PRPF31: variants seen among roughly 807,000 people sequenced by gnomAD.
PRPF31 encodes U4/U6 small nuclear ribonucleoprotein Prp31.
In PRPF31, 12 loss-of-function variants were observed where a neutral mutation model predicts 60.4. The observed-to-expected ratio is 0.20, with a 90% CI of 0.13 to 0.32. The LOEUF (loss-of-function observed/expected upper bound fraction) is 0.32. PRPF31 is among the 10% of genes least tolerant of loss of function. The pLI, the probability that PRPF31 is intolerant of heterozygous loss-of-function variation, is 1.00. For missense variants in PRPF31, 431 were observed against 687.1 expected (o/e 0.63, Z 4.17); for synonymous variants, 287 against 287.9 (o/e 1.00, Z 0.03).
chr19:54,115,824 CG>C (rs2073615867), intron 1 of PRPF31, 27 bp downstream of exon 1: 1 of 213,192 alleles, frequency 4.7e-6, no homozygotes, highest in East Asian at 7.3e-5. Flanking sequence ...CCACGGGGAG[CG>C]GGAGGCTGGG....
intron 9 of PRPF31, among the ~76,000 whole-genome samples, 193 bp from the exon 10 acceptor site, chr19:54,127,880 C>T (rs1458689122): frequency 6.6e-6 from 1 of 152,234 alleles, no homozygotes; most frequent in Non-Finnish European, 1.5e-5. Context: ...AAGAGACAGT[C>T]AACAGGTGAA....
At chr19:54,122,206 G>A in intron 4 of PRPF31, 1 of 623,972 alleles carries the variant, frequency 1.6e-6, no homozygotes, top group African/African-American at 1.8e-5. Flanking sequence ...CTGCCTCACG[G>A]TGCGAGGTGA....
chr19:54,116,297 C>A (rs943557719), intron 1 of PRPF31, among the ~76,000 whole-genome samples: 6 of 151,992 alleles, frequency 3.9e-5, no homozygotes, highest in African/African-American at 1.4e-4. Flanking sequence ...CTCCGCCTCC[C>A]GGATTCAAGC....
At chr19:54,128,521 T>G (rs2146447334) in intron 11 of PRPF31, 144 bp downstream of exon 11, 2 of 876,130 alleles carry the variant, frequency 2.3e-6, no homozygotes, top group African/African-American at 1.8e-5. Context: ...CCGGCCTCTA[T>G]TCTCGTTTCC....
intron 8 of PRPF31, 103 bp from the exon 9 acceptor site, chr19:54,126,425 A>G: frequency 9.0e-7 from 1 of 1,106,496 alleles, no homozygotes; most frequent in Non-Finnish European, 1.3e-6. Flanking sequence ...GCCCCCTTCC[A>G]GGACCCCAGG....
At chr19:54,118,547 TCTGA>T in intron 2 of PRPF31, 22 bp from the exon 3 acceptor site, 1 of 1,614,036 alleles carries the variant, frequency 6.2e-7, no homozygotes, top group South Asian at 1.1e-5. Context: ...AGTGCTGGAT[TCTGA>T]CTGTCTTCTC....
At chr19:54,127,567 T>C (rs1176315496) in intron 9 of PRPF31, among the ~76,000 whole-genome samples, 1 of 152,146 alleles carries the variant, frequency 6.6e-6, no homozygotes, top group Non-Finnish European at 1.5e-5. Context: ...TGTGTGTTGG[T>C]GGGGGCGTAA....
intron 3 of PRPF31, among the ~76,000 whole-genome samples, chr19:54,121,449 A>G (rs1236358916): frequency 6.6e-6 from 1 of 152,104 alleles, no homozygotes; most frequent in African/African-American, 2.4e-5. Flanking sequence ...TGAGTCAGCA[A>G]ACAGGAACGG....
At chr19:54,126,090 C>A (rs1157337425) in intron 8 of PRPF31, among the ~76,000 whole-genome samples, 1 of 152,228 alleles carries the variant, frequency 6.6e-6, no homozygotes, top group African/African-American at 2.4e-5. Context: ...GGCTCCATCA[C>A]CTGCTGGCTG....
At chr19:54,127,374 C>T (rs2073946132) in intron 9 of PRPF31, among the ~76,000 whole-genome samples, 1 of 152,184 alleles carries the variant, frequency 6.6e-6, no homozygotes, top group Admixed American at 6.5e-5. Context: ...CTTCTGTCTT[C>T]ATATCTCCGC....
At position 54,131,602 on chromosome 19, in the gene PRPF31, AC is replaced by A. The variant is rs1473501285; in HGVS notation, c.*172del. On this transcript the variant is annotated 3_prime_UTR_variant, in exon 14 of 14. Coordinates refer to ENST00000321030, the MANE Select transcript of PRPF31 (RefSeq NM_015629.4). ...AGAGTCCGGCCTGGCCTCCCCCAGG[AC>A]CGAGATCACCGCCCAGTATGGGCTA... 1 of 937,748 alleles carries A rather than the reference AC, an allele frequency of 1.1e-6. No homozygotes were observed. The highest frequency in any genetic ancestry group is 1.6e-5 in the African/African-American group (1 of 61,106). 58.1% of individuals were successfully genotyped at this position (937,748 alleles called of 1,614,324 possible).
At chr19:54,117,946 G>A (rs2073690616) in intron 1 of PRPF31, among the ~76,000 whole-genome samples, 1 of 152,100 alleles carries the variant, frequency 6.6e-6, no homozygotes, top group East Asian at 1.9e-4. Flanking sequence ...GGAAAGGAGG[G>A]AAACAAAGAA....
At position 54,124,561 on chromosome 19, in the gene PRPF31, G is replaced by T; in HGVS notation, c.760G>T (p.Ala254Ser). The T allele has an allele frequency of 6.2e-7, 1 of 1,612,830 alleles. No homozygotes were observed. The highest frequency in any genetic ancestry group is 8.5e-7 in the Non-Finnish European group (1 of 1,179,806). Residue 254 changes from alanine to serine, a missense_variant, in exon 8 of 14, where the codon GCC becomes TCC. This residue lies in a region of PRPF31 where 314 missense variants were observed against 475.3 expected (regional missense o/e 0.66). Transcript: ENST00000321030. ...MPACNIMLLG[A>S]QRKTLSGFSS... Reference sequence around the variant, plus strand: ...CGCCTGCAACATCATGCTGCTCGGGGCCCAGCGCAAGACGCTGTCGGGCTT... The same window carrying T: ...CGCCTGCAACATCATGCTGCTCGGGTCCCAGCGCAAGACGCTGTCGGGCTT...
In PRPF31 at chr19:54,123,396, A is replaced by G. The variant is rs181008133; in HGVS notation, c.421-58A>G. The G allele has an allele frequency of 3.1e-6, 4 of 1,289,526 alleles. No individual in the cohort carries two copies. In the East Asian group the frequency reaches 9.2e-5, roughly 30 times the overall value. 79.9% of individuals were successfully genotyped at this position (1,289,526 alleles called of 1,614,324 possible). On this transcript the variant is annotated intron_variant, in intron 5 of 13. Coordinates refer to ENST00000321030, the MANE Select transcript of PRPF31 (RefSeq NM_015629.4). ...GACCTGAGGAGGTGCTGAGCAAGAG[A>G]GGTTCTCGAGCCTTCCTGAGTTCCC...
chr19:54,123,890 C>G lies in PRPF31; in HGVS notation c.669C>G (p.Ile223Met), dbSNP rs767602745. 6.2e-7 allele frequency: 1 copy of G among 1,613,972 alleles called. No individual in the cohort carries two copies. The highest frequency in any genetic ancestry group is 1.3e-5 in the African/African-American group (1 of 75,052). The change falls in exon 7 of 14, where the codon ATC (isoleucine) becomes ATG (methionine). Residue 223 changes from isoleucine (I) to methionine (M), a missense_variant. Ile to Met is a conservative substitution (Grantham distance 10). Coordinates refer to ENST00000321030, the MANE Select transcript of PRPF31 (RefSeq NM_015629.4). ...TCGCACCCAACCTGTCCATCATTATCGGGGCATCCACGGCCGCCAAGATCA... is the reference window on the plus strand; with the variant it reads ...TCGCACCCAACCTGTCCATCATTATGGGGGCATCCACGGCCGCCAAGATCA... ...SFIAPNLSII[I>M]GASTAAKIMG...
chr19:54,127,573 C>T (rs1027449987), intron 9 of PRPF31, among the ~76,000 whole-genome samples: 1 of 152,144 alleles, frequency 6.6e-6, no homozygotes, highest in Non-Finnish European at 1.5e-5. Flanking sequence ...TTGGTGGGGG[C>T]GTAATTTGCC....
chr19:54,128,510 C>CCG (rs1555794375), intron 11 of PRPF31, 133 bp downstream of exon 11: 32 of 938,620 alleles, frequency 3.4e-5, no homozygotes, highest in Non-Finnish European at 4.4e-5. Flanking sequence ...CCTCCCCCCC[C>CCG]CCGGCCTCTA....
At chr19:54,125,055 A>G in intron 8 of PRPF31, 1 of 342,652 alleles carries the variant, frequency 2.9e-6, no homozygotes. Flanking sequence ...AGACTCACAG[A>G]ATCCACTGAG....
At chr19:54,124,403 T>G (rs2073868049) in intron 7 of PRPF31, 96 bp from the exon 8 acceptor site, 1 of 1,126,142 alleles carries the variant, frequency 8.9e-7, no homozygotes, top group East Asian at 2.3e-5. Flanking sequence ...CATGTAAAGG[T>G]GCCCAGCACA....
Sources: gnomAD v4.1 joint callset for allele counts (sites outside exome capture counted in the v4.1 genomes callset) on GRCh38, gnomAD v4.1.1 for gene constraint, gnomAD v4.1.1 regional missense constraint, MANE v1.5 for transcripts, NCBI Gene and HGNC (gene_info 2026-07-23, HGNC 2026-07-21) for gene names.